EYA2: variants seen among roughly 807,000 people sequenced by gnomAD.
EYA2 encodes the protein EYA transcriptional coactivator and phosphatase 2, also known as protein phosphatase EYA2.
EYA2 carries 31 observed loss-of-function variants against 69.2 expected under a neutral mutation model. That is an observed-to-expected ratio of 0.45 (90% CI 0.34 to 0.60). The LOEUF is 0.60. Among genes scored for constraint, EYA2 ranks in the 20% least tolerant of loss-of-function variants. EYA2 has a pLI of 0.02. For missense variants in EYA2, 622 were observed against 701.2 expected, an observed-to-expected ratio of 0.89 and a Z score of 1.28; for synonymous variants, 257 against 279.4, an observed-to-expected ratio of 0.92 and a Z score of 0.80.
intron 10 of EYA2, among the ~76,000 whole-genome samples, chr20:47,157,622 A>G (rs976317688): frequency 2.0e-5 from 3 of 151,996 alleles, no homozygotes; most frequent in African/African-American, 7.2e-5. Context: ...TAATTACAAG[A>G]ATGCCAGGCA....
At chr20:46,945,286 A>G (rs1978388587) in intron 1 of EYA2, among the ~76,000 whole-genome samples, 1 of 152,242 alleles carries the variant, frequency 6.6e-6, no homozygotes, top group Admixed American at 6.5e-5. Context: ...TACTTAGGAC[A>G]GTGCCTGGCA....
chr20:46,901,101 G>A (rs1174288184), intron 1 of EYA2: 1 of 152,150 alleles, frequency 6.6e-6, no homozygotes, highest in East Asian at 1.9e-4. Context: ...TTTGACTTGG[G>A]TCCTCAAGGC....
At chr20:47,109,594 G>T (rs1212542064) in intron 9 of EYA2, among the ~76,000 whole-genome samples, 4 of 152,038 alleles carry the variant, frequency 2.6e-5, no homozygotes, top group African/African-American at 9.7e-5. Flanking sequence ...TGTTGCCCAC[G>T]CTAGTCTCGA....
intron 9 of EYA2, among the ~76,000 whole-genome samples, chr20:47,133,045 C>A (rs1209369437): frequency 6.6e-6 from 1 of 152,174 alleles, no homozygotes; most frequent in Non-Finnish European, 1.5e-5. Flanking sequence ...TTATAAGCGA[C>A]AGAAATTCAA....
At chr20:47,040,634 A>C (rs1345151121) in intron 5 of EYA2, among the ~76,000 whole-genome samples, 1 of 152,154 alleles carries the variant, frequency 6.6e-6, no homozygotes, top group African/African-American at 2.4e-5. Flanking sequence ...TGTTCTAATC[A>C]CATCACACGC....
chr20:46,914,386 T>A (rs941054601), intron 1 of EYA2, among the ~76,000 whole-genome samples: 10 of 152,196 alleles, frequency 6.6e-5, no homozygotes, highest in African/African-American at 2.4e-4. Flanking sequence ...GGAGTGGGTG[T>A]GTATTACTCC....
chr20:47,059,886 A>G (rs992592048), intron 5 of EYA2, among the ~76,000 whole-genome samples: 9 of 152,334 alleles, frequency 5.9e-5, no homozygotes, highest in Admixed American at 2.0e-4. Flanking sequence ...TCTTTGCCAC[A>G]CTGAGGACCC....
In EYA2 at chr20:47,005,037, A is replaced by G. The variant is rs762421667; in HGVS notation, c.251A>G (p.Tyr84Cys). The G allele has an allele frequency of 5.0e-6, 8 of 1,613,896 alleles. No individual in the cohort carries two copies. Among genetic ancestry groups the G allele is most frequent in the South Asian group, 1.1e-5 (1 of 91,070 alleles). ...GCGGGGATCCAGCAGGCTACCCCCT[A>G]TACAGCTTACCCACCTCCAGCACAA... is the stretch of plus-strand genomic sequence containing the variant. ...YSAGIQQATP[Y>C]TAYPPPAQAY... The change falls in exon 4 of 16, where the codon TAT (tyrosine) becomes TGT (cysteine). Residue 84 changes from tyrosine to cysteine, a missense_variant. This residue lies in a region of EYA2 where 365 missense variants were observed against 349.7 expected (regional missense o/e 1.04). Transcript: ENST00000327619.
intron 1 of EYA2, among the ~76,000 whole-genome samples, chr20:46,949,490 C>T (rs779323306): frequency 5.9e-5 from 9 of 152,090 alleles, no homozygotes; most frequent in Non-Finnish European, 1.2e-4. Flanking sequence ...ACTGAGAGTC[C>T]AGGGTCAGAG....
At chr20:47,106,217 C>T (rs949202333) in intron 9 of EYA2, among the ~76,000 whole-genome samples, 1 of 152,134 alleles carries the variant, frequency 6.6e-6, no homozygotes, top group Non-Finnish European at 1.5e-5. Context: ...GCCTCAGGCC[C>T]TGTGGCTTGG....
At chr20:47,114,567 A>G (rs1053898952) in intron 9 of EYA2, among the ~76,000 whole-genome samples, 5 of 152,206 alleles carry the variant, frequency 3.3e-5, no homozygotes, top group African/African-American at 7.2e-5. Context: ...GTGAGCCGAA[A>G]TCGTGCCATT....
intron 9 of EYA2, among the ~76,000 whole-genome samples, chr20:47,142,353 T>G (rs2033614558): frequency 6.6e-6 from 1 of 152,246 alleles, no homozygotes; most frequent in Non-Finnish European, 1.5e-5. Flanking sequence ...GGAGGCACTT[T>G]CATTGCACAA....
At chr20:47,170,097 G>A (rs527776935) in intron 11 of EYA2, among the ~76,000 whole-genome samples, 4 of 151,486 alleles carry the variant, frequency 2.6e-5, no homozygotes, top group East Asian at 2.0e-4. Context: ...TAGTAGAGGC[G>A]GGGTTTCACC....
At position 47,142,916 on chromosome 20, in the gene EYA2, CAGAG is replaced by C. The variant is rs1600739855; in HGVS notation, c.889-141_889-138del. 8.4e-5 allele frequency: 46 copies of C among 548,346 alleles called. No individual in the cohort carries two copies. In the East Asian group the frequency reaches 1.5e-3, roughly 17 times the overall value. The allele number at this position is 548,346 out of a possible 1,614,324, so 34.0% of individuals were successfully genotyped here. ...ACATGATTATCACACCGGCCTCACA[CAGAG>C]ACTCATTTTAGGCCACGCGTGAGCC... On this transcript the variant is annotated intron_variant, in intron 9 of 15. Coordinates refer to ENST00000327619, the MANE Select transcript of EYA2 (RefSeq NM_005244.5).
chr20:47,078,329 GCGCACACACACACACACACACACA>G (rs2031596791), intron 7 of EYA2, among the ~76,000 whole-genome samples: 1 of 116,068 alleles, frequency 8.6e-6, no homozygotes, highest in Non-Finnish European at 2.0e-5. Flanking sequence ...GCGCGCGCGC[GCGCACACACACACACACACACACA>G]CACACACACA....
rs2032710605 is a variant in EYA2 at position 47,110,265 on chromosome 20, A to T, written c.888+13097A>T. Among the ~76,000 whole-genome samples, 4 of 152,274 alleles carry T rather than the reference A, an allele frequency of 2.6e-5. No individual in the cohort carries two copies. The South Asian group carries it at 8.3e-4, about 32-fold the overall frequency. On this transcript the variant is annotated intron_variant, in intron 9 of 15. Coordinates refer to ENST00000327619, the MANE Select transcript of EYA2 (RefSeq NM_005244.5). ...TTATTTTTTATTTTATTTTTCTGCG[A>T]CAGGGTCTCACTCTGTCACTCGCTG...
In EYA2 at chr20:47,072,269, C is replaced by T. The variant is rs2031342821; in HGVS notation, c.483+17C>T. On this transcript the variant is annotated intron_variant, in intron 6 of 15. Coordinates refer to ENST00000327619, the MANE Select transcript of EYA2 (RefSeq NM_005244.5). The stretch of plus-strand genomic sequence containing the variant: ...GTGCACCAGGTAGACATGGCTCCCT[C>T]CCGATTCTTTCCTCAGTTCTTTCTG... 2 of 1,602,876 alleles carry T rather than the reference C, an allele frequency of 1.2e-6. No individual in the cohort carries two copies. Among genetic ancestry groups the T allele is most frequent in the East Asian group, 4.5e-5 (2 of 44,636 alleles).
At chr20:47,019,304 A>G (rs1983606199) in intron 5 of EYA2, among the ~76,000 whole-genome samples, 1 of 152,240 alleles carries the variant, frequency 6.6e-6, no homozygotes, top group Non-Finnish European at 1.5e-5. Context: ...GGGCAGCGGC[A>G]GCAGCTGGGC....
intron 5 of EYA2, among the ~76,000 whole-genome samples, chr20:47,056,799 A>T (rs749786844): frequency 2.0e-5 from 3 of 152,106 alleles, no homozygotes; most frequent in Non-Finnish European, 2.9e-5. Context: ...AATCCCAGAA[A>T]TTTGGGAGGC....
Sources: allele counts gnomAD v4.1 joint callset (sites outside exome capture counted in the v4.1 genomes callset), GRCh38; gene constraint gnomAD v4.1.1; regional missense constraint gnomAD v4.1.1; transcripts MANE v1.5; gene names NCBI Gene and HGNC (gene_info 2026-07-23, HGNC 2026-07-21).